HERC1: variants seen among roughly 807,000 people sequenced by gnomAD.
The protein encoded by HERC1 is HECT and RLD domain containing E3 ubiquitin protein ligase family member 1.
HERC1 carries 160 observed loss-of-function variants against 554.3 expected under a neutral mutation model. The observed-to-expected ratio is 0.29, with a 90% confidence interval of 0.25 to 0.33. The LOEUF is 0.33. Among genes scored for constraint, HERC1 ranks in the 10% least tolerant of loss-of-function variants. HERC1 has a pLI of 1.00. For missense variants in HERC1, 4,919 were observed against 5,918.5 expected, an observed-to-expected ratio of 0.83 and a Z score of 5.54; for synonymous variants, 2,175 against 2,131.7, an observed-to-expected ratio of 1.02 and a Z score of -0.56.
At chr15:63,658,238 T>C (rs951355536) in intron 48 of HERC1, among the ~76,000 whole-genome samples, 2 of 152,208 alleles carry the variant, frequency 1.3e-5, no homozygotes, top group Admixed American at 1.3e-4. Context: ...TCAATACATT[T>C]TGACCTTTAG....
At chr15:63,774,414 C>T (rs1371457785) in intron 2 of HERC1, among the ~76,000 whole-genome samples, 1 of 151,972 alleles carries the variant, frequency 6.6e-6, no homozygotes, top group Non-Finnish European at 1.5e-5. Context: ...TTCATAAGTT[C>T]GCTAAAACAT....
At chr15:63,748,134 G>A (rs904723142) in intron 10 of HERC1, among the ~76,000 whole-genome samples, 1 of 152,092 alleles carries the variant, frequency 6.6e-6, no homozygotes, top group African/African-American at 2.4e-5. Context: ...GCTAAGGCAG[G>A]GGAATCGCTT....
chr15:63,787,960 CAAAAAAAAA>C (rs375499946), intron 1 of HERC1, among the ~76,000 whole-genome samples: 1 of 45,648 alleles, frequency 2.2e-5, no homozygotes, highest in Non-Finnish European at 4.5e-5. Context: ...GACCCTGTCT[CAAAAAAAAA>C]AAAAAAAAAA....
intron 32 of HERC1, 145 bp downstream of exon 32, chr15:63,690,396 A>G (rs2153038008): frequency 5.4e-6 from 3 of 557,972 alleles, no homozygotes; most frequent in Admixed American, 6.8e-5. Context: ...TGGGGGTGAA[A>G]TAATAAAGAA....
intron 34 of HERC1, 127 bp downstream of exon 34, chr15:63,686,232 C>T (rs2071753744): frequency 4.6e-6 from 3 of 654,568 alleles, no homozygotes; most frequent in East Asian, 2.7e-5. Context: ...TTTATATTAT[C>T]TTACATAATA....
intron 12 of HERC1, among the ~76,000 whole-genome samples, chr15:63,744,695 T>A (rs1036493231): frequency 1.2e-4 from 19 of 152,282 alleles, no homozygotes; most frequent in Non-Finnish European, 1.5e-4. Flanking sequence ...GCCCAGGGAT[T>A]CTTAAGTTAG....
intron 26 of HERC1, among the ~76,000 whole-genome samples, chr15:63,697,866 C>T (rs1448037465): frequency 3.3e-5 from 5 of 152,200 alleles, no homozygotes; most frequent in South Asian, 4.1e-4. Flanking sequence ...AAGTCCAGCT[C>T]ACTCTCAAGG....
chr15:63,785,336 G>A (rs912750651), intron 1 of HERC1, among the ~76,000 whole-genome samples: 4 of 152,048 alleles, frequency 2.6e-5, no homozygotes, highest in South Asian at 2.1e-4. Flanking sequence ...TGGGAGGATC[G>A]CTTGAGCTCA....
chr15:63,698,680 G>A, intron 26 of HERC1, 48 bp downstream of exon 26: 1 of 1,554,682 alleles, frequency 6.4e-7, no homozygotes, highest in Non-Finnish European at 8.7e-7. Flanking sequence ...CAATGGTTCA[G>A]TTTTAAGTTT....
chr15:63,735,644 A>G (rs574969612), intron 12 of HERC1, among the ~76,000 whole-genome samples: 1 of 152,266 alleles, frequency 6.6e-6, no homozygotes, highest in South Asian at 2.1e-4. Context: ...CTTAGGCCTC[A>G]TAACTTCTCT....
chr15:63,827,405 C>G (rs1264199050), intron 1 of HERC1, among the ~76,000 whole-genome samples: 3 of 150,326 alleles, frequency 2.0e-5, no homozygotes, highest in Non-Finnish European at 4.4e-5. Context: ...GCCTGAGCAA[C>G]AGAGTGAGAC....
At chr15:63,821,275 C>T (rs1448377426) in intron 1 of HERC1, among the ~76,000 whole-genome samples, 1 of 151,868 alleles carries the variant, frequency 6.6e-6, no homozygotes, top group African/African-American at 2.4e-5. Context: ...TAGCAGGGGG[C>T]CGGGTGCAGT....
chr15:63,696,067 A>G (rs2072395734), intron 27 of HERC1, 57 bp downstream of exon 27: 1 of 1,282,486 alleles, frequency 7.8e-7, no homozygotes, highest in Admixed American at 1.9e-5. Context: ...TCACATTATT[A>G]AAGTGGCTTT....
chr15:63,612,604 C>T lies in HERC1; in HGVS notation c.14095-48G>A. The T allele has an allele frequency of 6.4e-7, 1 of 1,569,518 alleles. No individual in the cohort carries two copies. Among genetic ancestry groups the T allele is most frequent in the Non-Finnish European group, 8.7e-7 (1 of 1,154,542 alleles). ...ATTCAATGAGTGTGCGTGAACCTGG[C>T]ACCCACCAAGGGCCCTGTGGGGCTA... On this transcript the variant is annotated intron_variant, in intron 76 of 77. Coordinates refer to ENST00000443617, the MANE Select transcript of HERC1 (RefSeq NM_003922.4). The surrounding 1 kb of genome is among the most constrained non-coding windows in gnomAD (Gnocchi z 5.0).
intron 34 of HERC1, among the ~76,000 whole-genome samples, chr15:63,683,283 C>T (rs956822346): frequency 1.3e-5 from 2 of 152,038 alleles, no homozygotes; most frequent in African/African-American, 2.4e-5. Flanking sequence ...TGCTTTTTGT[C>T]ACCAGTGGGT....
intron 12 of HERC1, among the ~76,000 whole-genome samples, chr15:63,739,601 G>A (rs556195110): frequency 2.0e-5 from 3 of 152,116 alleles, no homozygotes; most frequent in East Asian, 2.0e-4. Flanking sequence ...CACTTTGGGA[G>A]GTCGAGGCAG....
chr15:63,815,453 C>T (rs2077461362), intron 1 of HERC1, among the ~76,000 whole-genome samples: 1 of 152,172 alleles, frequency 6.6e-6, no homozygotes, highest in Non-Finnish European at 1.5e-5. Context: ...AGTATGCCTA[C>T]TGCAGAAGGT....
Position 63,622,909 on chromosome 15 carries a change from A to G in HERC1, c.13612-18T>C. ...TCAAGTTCCTGCAGAAGAAAGAAAA[A>G]AATTTTTTGAGAAATGACAATCAAA... is the stretch of plus-strand genomic sequence containing the variant. On this transcript the variant is annotated intron_variant, in intron 73 of 77. Coordinates refer to ENST00000443617, the MANE Select transcript of HERC1 (RefSeq NM_003922.4). 6.4e-7 allele frequency: 1 copy of G among 1,552,400 alleles called. No homozygotes were observed. The highest frequency in any genetic ancestry group is 1.2e-5 in the South Asian group (1 of 82,312).
intron 74 of HERC1, among the ~76,000 whole-genome samples, chr15:63,617,376 T>C (rs1052042617): frequency 4.6e-5 from 7 of 152,248 alleles, no homozygotes; most frequent in Non-Finnish European, 7.3e-5. Context: ...CCATGGTGTA[T>C]AAGTGCCACA....
Sources: gnomAD v4.1 joint callset for allele counts (sites outside exome capture counted in the v4.1 genomes callset) on GRCh38, gnomAD v4.1.1 for gene constraint, Gnocchi (gnomAD v3.1) non-coding constraint, MANE v1.5 for transcripts, NCBI Gene and HGNC (gene_info 2026-07-23, HGNC 2026-07-21) for gene names.